IKBKE: variants seen among roughly 807,000 people sequenced by gnomAD.
The protein encoded by IKBKE is inhibitor of nuclear factor kappa-B kinase subunit epsilon.
In IKBKE, 45 loss-of-function variants were observed where a neutral mutation model predicts 92.1. That is an observed-to-expected ratio of 0.49 (90% CI 0.38 to 0.63). The LOEUF is 0.63. Ranked by LOEUF, IKBKE falls within the 20% of genes least tolerant of loss-of-function variation. The pLI is 0.00. For missense variants in IKBKE, 700 were observed against 932.8 expected (o/e 0.75, Z 3.25); for synonymous variants, 374 against 380.3 (o/e 0.98, Z 0.19).
At chr1:206,493,895 C>T in intron 20 of IKBKE, 25 bp from the exon 21 acceptor site, 1 of 1,610,858 alleles carries the variant, frequency 6.2e-7, no homozygotes, top group Non-Finnish European at 8.5e-7. Context: ...GCCTCAGCCG[C>T]CTCTCCTGCC....
In IKBKE at chr1:206,494,526, T is replaced by C. The variant is rs530818171; in HGVS notation, c.2117+535T>C. 1.2e-3 allele frequency among the ~76,000 whole-genome samples: 188 copies of C among 151,060 alleles called. 1 individual carries two copies. Among genetic ancestry groups the C allele is most frequent in the Non-Finnish European group, 2.0e-3 (137 of 67,814 alleles). ...GGGGTGCTGAGGGGTCATGAGAGGT[T>C]GGTGTGGGAACGCAACAGGGCTCCG... On this transcript the variant is annotated intron_variant, in intron 21 of 21. Coordinates refer to ENST00000581977, the MANE Select transcript of IKBKE (RefSeq NM_014002.4).
chr1:206,482,602 A>G (rs1572251888), intron 13 of IKBKE, among the ~76,000 whole-genome samples: 1 of 152,182 alleles, frequency 6.6e-6, no homozygotes, highest in East Asian at 1.9e-4. Context: ...GCCTCCCATC[A>G]AGGAGGAGGA....
chr1:206,492,686 G>T (rs781923659), intron 18 of IKBKE: 13 of 519,658 alleles, frequency 2.5e-5, no homozygotes, highest in Non-Finnish European at 3.5e-5. Flanking sequence ...CACACTGAGA[G>T]CCCTGGTGTG....
intron 2 of IKBKE, chr1:206,472,969 G>A (rs41262944): frequency 4.0e-5 from 19 of 478,914 alleles, no homozygotes; most frequent in Non-Finnish European, 6.3e-5. Flanking sequence ...AACAGGTGCC[G>A]GCTGTGGGCT....
chr1:206,488,326 G>A (rs768010853), intron 16 of IKBKE, among the ~76,000 whole-genome samples: 64 of 152,300 alleles, frequency 4.2e-4, no homozygotes, highest in Non-Finnish European at 6.6e-4. Context: ...AAGAGATCTC[G>A]CACCTTGGCA....
chr1:206,480,636 C>A, intron 13 of IKBKE, 103 bp downstream of exon 13: 1 of 851,408 alleles, frequency 1.2e-6, no homozygotes, highest in Non-Finnish European at 1.9e-6. Flanking sequence ...CAAGCCAGGG[C>A]TACTGCCTTC....
At chr1:206,486,473 G>T (rs1196900273) in intron 15 of IKBKE, among the ~76,000 whole-genome samples, 3 of 150,962 alleles carry the variant, frequency 2.0e-5, no homozygotes, top group African/African-American at 7.3e-5. Flanking sequence ...TCTTTTGGAT[G>T]AAGGCTGTGG....
rs1666058943 is a variant in IKBKE at position 206,493,463 on chromosome 1, G to C, written c.2045+85G>C. On this transcript the variant is annotated intron_variant, in intron 20 of 21. Transcript: ENST00000581977. ...GTATGCTGAGGTTAGAGCCTGAGGG[G>C]TTTGGCGTCATGCCAGGCCTAGGAG... is the stretch of plus-strand genomic sequence containing the variant. 4.6e-5 allele frequency: 48 copies of C among 1,046,374 alleles called. No individual in the cohort carries two copies. In the South Asian group the frequency reaches 6.2e-4, roughly 13 times the overall value. 64.8% of individuals were successfully genotyped at this position (1,046,374 alleles called of 1,614,324 possible).
At chr1:206,492,789 G>A (rs1403076522) in intron 18 of IKBKE, 2 of 646,156 alleles carry the variant, frequency 3.1e-6, no homozygotes, top group African/African-American at 3.6e-5. Context: ...TGTTGTTGGT[G>A]CTCCACACTA....
At position 206,476,176 on chromosome 1, in the gene IKBKE, C is replaced by T; in HGVS notation, c.359-5C>T. On this transcript the variant is annotated splice_region_variant and splice_polypyrimidine_tract_variant and intron_variant, in intron 5 of 21. Transcript: ENST00000581977. The surrounding 1 kb of genome is among the most constrained non-coding windows in gnomAD (Gnocchi z 5.1). Reference sequence around the variant, plus strand: ...CCAGCTAGTGGCCTCCCCGTCTGTCCCCAGTGGCCGGCATGAACCACCTGC... The same window carrying T: ...CCAGCTAGTGGCCTCCCCGTCTGTCTCCAGTGGCCGGCATGAACCACCTGC... 3 of 1,613,866 alleles carry T rather than the reference C, an allele frequency of 1.9e-6. No homozygotes were observed. Among genetic ancestry groups the T allele is most frequent in the Non-Finnish European group, 2.5e-6 (3 of 1,179,970 alleles).
intron 13 of IKBKE, among the ~76,000 whole-genome samples, chr1:206,483,115 TC>T (rs1299102247): frequency 2.6e-5 from 4 of 152,216 alleles, no homozygotes; most frequent in Non-Finnish European, 4.4e-5. Context: ...TCCTAGGGCT[TC>T]CCCCAGCCCC....
At chr1:206,491,301 CT>C in intron 17 of IKBKE, 3 of 360,004 alleles carry the variant, frequency 8.3e-6, no homozygotes, top group South Asian at 5.5e-5. Context: ...ACCCCGACCC[CT>C]TTTTGTCTCA....
chr1:206,474,662 T>C, intron 4 of IKBKE, 191 bp downstream of exon 4: 1 of 783,574 alleles, frequency 1.3e-6, no homozygotes, highest in Non-Finnish European at 2.0e-6. Flanking sequence ...ATGGACAGAA[T>C]CAGTACCTAA....
intron 15 of IKBKE, among the ~76,000 whole-genome samples, chr1:206,486,758 T>C (rs1665685843): frequency 1.3e-5 from 2 of 150,862 alleles, no homozygotes; most frequent in South Asian, 4.2e-4. Flanking sequence ...AGGCTGCGGA[T>C]CCCAGGCCCT....
Position 206,490,692 on chromosome 1 carries a change from G to A in IKBKE, c.1694-127G>A. The A allele has an allele frequency of 1.1e-6, 1 of 911,894 alleles. No homozygotes were observed. The highest frequency in any genetic ancestry group is 1.8e-6 in the Non-Finnish European group (1 of 556,332). The allele number at this position is 911,894 out of a possible 1,614,324, so 56.5% of individuals were successfully genotyped here. A position where few individuals can be genotyped will look rare whatever the true frequency, so the allele number is the denominator to read the frequency against. On this transcript the variant is annotated intron_variant, in intron 16 of 21. Coordinates refer to ENST00000581977, the MANE Select transcript of IKBKE (RefSeq NM_014002.4). The surrounding 1 kb of genome is among the most constrained non-coding windows in gnomAD (Gnocchi z 5.2). Reference sequence around the variant, plus strand: ...TCCTCTGCCCCTCCTGCTCCGCTGGGCGGTGAGTTCCCGTGAAGCAGCACA... The same window carrying A: ...TCCTCTGCCCCTCCTGCTCCGCTGGACGGTGAGTTCCCGTGAAGCAGCACA...
At chr1:206,474,808 T>C (rs1553384778) in intron 4 of IKBKE, 57 bp from the exon 5 acceptor site, 1 of 1,592,484 alleles carries the variant, frequency 6.3e-7, no homozygotes, top group Non-Finnish European at 8.6e-7. Flanking sequence ...CACTTCTTCC[T>C]GGTGGGTGGG....
rs546121126 is a variant in IKBKE, at chr1:206,487,327, C to T, written c.1617-587C>T. Among the ~76,000 whole-genome samples the T allele has an allele frequency of 2.0e-5, 3 of 152,334 alleles. No individual in the cohort carries two copies. Among genetic ancestry groups the T allele is most frequent in the Non-Finnish European group, 4.4e-5 (3 of 68,018 alleles). ...TTCAACCCCAGAACAAGAAAGTCCT[C>T]GGGAGATCATCTCCCCAGTTCCTCC... On this transcript the variant is annotated intron_variant, in intron 15 of 21. Transcript: ENST00000581977. The surrounding 1 kb of genome is among the most constrained non-coding windows in gnomAD (Gnocchi z 5.3).
In IKBKE at chr1:206,495,205, TAG is replaced by T. The variant is rs201763938; in HGVS notation, c.2118-904_2118-903del. Among the ~76,000 whole-genome samples the T allele has an allele frequency of 1.4e-3, 217 of 152,166 alleles. 2 individuals carry two copies. The East Asian group carries it at 0.038, about 27-fold the overall frequency. ...TCCTGTCTGAGAACCAATGGCAGGG[TAG>T]AGTCAGCAGAGGTTCCTACAGGATT... On this transcript the variant is annotated intron_variant, in intron 21 of 21. Coordinates refer to ENST00000581977, the MANE Select transcript of IKBKE (RefSeq NM_014002.4).
At chr1:206,473,831 G>A (rs1310097711) in intron 3 of IKBKE, among the ~76,000 whole-genome samples, 4 of 151,780 alleles carry the variant, frequency 2.6e-5, no homozygotes, top group Non-Finnish European at 4.4e-5. Context: ...GCATGGTGGC[G>A]TGCACCTGTA....
Sources: allele counts gnomAD v4.1 joint callset (sites outside exome capture counted in the v4.1 genomes callset), GRCh38; gene constraint gnomAD v4.1.1; non-coding constraint Gnocchi (gnomAD v3.1); transcripts MANE v1.5; gene names NCBI Gene and HGNC (gene_info 2026-07-23, HGNC 2026-07-21).